The following EEFSEC variants were observed in gnomAD, a reference collection of about 807,000 sequenced individuals.
EEFSEC encodes selenocysteine-specific elongation factor.
In EEFSEC, 43 loss-of-function variants were observed where a neutral mutation model predicts 42.1. That is an observed-to-expected ratio of 1.02 (90% CI 0.80 to 1.32). The LOEUF is 1.32. Ranked by LOEUF, EEFSEC falls within the 40% of genes most tolerant of loss-of-function variation. The pLI is 0.00. For synonymous variants in EEFSEC, 354 were observed against 339.1 expected (o/e 1.04, Z -0.48); for missense variants, 745 against 803.6 (o/e 0.93, Z 0.88).
rs866610044 is a variant in EEFSEC at position 128,317,530 on chromosome 3, A to G, written c.787-23703A>G. ...GTTTGCTCCGATTTGCTCTGTGCCC[A>G]GAGTCTTTTTCCCCATCAGTCCTCT... On this transcript the variant is annotated intron_variant, in intron 4 of 6. Coordinates refer to ENST00000254730, the MANE Select transcript of EEFSEC (RefSeq NM_021937.5). The surrounding 1 kb of genome is among the most constrained non-coding windows in gnomAD (Gnocchi z 4.1). Among the ~76,000 whole-genome samples the G allele has an allele frequency of 1.5e-4, 23 of 152,318 alleles. 1 individual carries two copies. In the South Asian group the frequency reaches 4.8e-3, roughly 32 times the overall value.
At chr3:128,291,815 C>A (rs1408107808) in intron 4 of EEFSEC, among the ~76,000 whole-genome samples, 1 of 152,138 alleles carries the variant, frequency 6.6e-6, no homozygotes, top group Non-Finnish European at 1.5e-5. Context: ...AAGTACAGTA[C>A]AATGTTCAAC....
At chr3:128,282,241 G>A (rs1053317774) in intron 4 of EEFSEC, among the ~76,000 whole-genome samples, 2 of 152,234 alleles carry the variant, frequency 1.3e-5, no homozygotes, top group African/African-American at 4.8e-5. Flanking sequence ...GGTGGGAAGT[G>A]GGTGGCTGGT....
At chr3:128,182,212 T>A (rs1172650363) in intron 1 of EEFSEC, among the ~76,000 whole-genome samples, 2 of 152,336 alleles carry the variant, frequency 1.3e-5, no homozygotes, top group East Asian at 3.9e-4. Context: ...TTAAATTATC[T>A]TGTGTAATGC....
At chr3:128,210,887 C>T (rs770234018) in intron 1 of EEFSEC, among the ~76,000 whole-genome samples, 4 of 152,218 alleles carry the variant, frequency 2.6e-5, no homozygotes, top group Non-Finnish European at 5.9e-5. Context: ...TTTTTTCCTG[C>T]CCATTTCTGT....
At chr3:128,293,680 A>AAAAAAC (rs2066672033) in intron 4 of EEFSEC, among the ~76,000 whole-genome samples, 1 of 95,130 alleles carries the variant, frequency 1.1e-5, no homozygotes, top group African/African-American at 4.0e-5. Flanking sequence ...AAAAAAAAAA[A>AAAAAAC]AAAAAAACTT....
rs116614318 is a variant in EEFSEC, at chr3:128,332,400, T to C, written c.787-8833T>C. 3.7e-3 allele frequency among the ~76,000 whole-genome samples: 570 copies of C among 152,352 alleles called. 6 individuals carry two copies. Among genetic ancestry groups the C allele is most frequent in the African/African-American group, 0.013 (558 of 41,584 alleles). On this transcript the variant is annotated intron_variant, in intron 4 of 6. Coordinates refer to ENST00000254730, the MANE Select transcript of EEFSEC (RefSeq NM_021937.5). The stretch of plus-strand genomic sequence containing the variant: ...ATTTTGGAATATTAGCATGATATAC[T>C]TAACAGGTTAAGCATCTGAAATCCA...
At chr3:128,233,343 G>A (rs915119102) in intron 1 of EEFSEC, among the ~76,000 whole-genome samples, 2 of 152,208 alleles carry the variant, frequency 1.3e-5, no homozygotes, top group Non-Finnish European at 2.9e-5. Context: ...AAAATGATAT[G>A]ATTTAAACAT....
At chr3:128,297,974 G>C (rs945727079) in intron 4 of EEFSEC, among the ~76,000 whole-genome samples, 3 of 152,198 alleles carry the variant, frequency 2.0e-5, no homozygotes, top group African/African-American at 7.2e-5. Flanking sequence ...TAGGCCCTGG[G>C]ACAGCCAAGG....
chr3:128,194,807 A>C (rs1225604805), intron 1 of EEFSEC, among the ~76,000 whole-genome samples: 1 of 152,268 alleles, frequency 6.6e-6, no homozygotes, highest in Non-Finnish European at 1.5e-5. Flanking sequence ...TGTGCAAGAA[A>C]AAGACTAGAA....
At chr3:128,393,939 C>T (rs2067947924) in intron 6 of EEFSEC, among the ~76,000 whole-genome samples, 1 of 152,104 alleles carries the variant, frequency 6.6e-6, no homozygotes, top group South Asian at 2.1e-4. Flanking sequence ...GGACACACGG[C>T]CAGTGGGTGA....
intron 1 of EEFSEC, among the ~76,000 whole-genome samples, chr3:128,246,088 C>T (rs2066123894): frequency 6.6e-6 from 1 of 152,204 alleles, no homozygotes; most frequent in African/African-American, 2.4e-5. Flanking sequence ...AAAAAGGAAA[C>T]AGTCACTTCA....
chr3:128,183,283 T>C (rs2065430570), intron 1 of EEFSEC, among the ~76,000 whole-genome samples: 1 of 152,206 alleles, frequency 6.6e-6, no homozygotes, highest in African/African-American at 2.4e-5. Flanking sequence ...CTCTAATGAG[T>C]TAGACACTGT....
chr3:128,404,922 TC>T (rs1313691220), intron 6 of EEFSEC, among the ~76,000 whole-genome samples: 1 of 152,042 alleles, frequency 6.6e-6, no homozygotes, highest in Admixed American at 6.5e-5. Flanking sequence ...TAATCTCACT[TC>T]CGCCTGCCAG....
chr3:128,255,055 G>A (rs184758481), intron 2 of EEFSEC, among the ~76,000 whole-genome samples: 1 of 152,302 alleles, frequency 6.6e-6, no homozygotes, highest in African/African-American at 2.4e-5. Context: ...TCAGAGGCCA[G>A]GAATTAGAGG....
intron 3 of EEFSEC, among the ~76,000 whole-genome samples, chr3:128,264,387 T>C (rs549874287): frequency 3.3e-5 from 5 of 152,284 alleles, no homozygotes; most frequent in African/African-American, 7.2e-5. Context: ...CAGGTGCCCT[T>C]TCCTTCAGAC....
intron 2 of EEFSEC, among the ~76,000 whole-genome samples, chr3:128,261,543 CT>C (rs1169410117): frequency 3.4e-5 from 4 of 117,920 alleles, no homozygotes; most frequent in African/African-American, 8.8e-5. Flanking sequence ...TTTATTTTCT[CT>C]TTCCCTCTTT....
intron 1 of EEFSEC, among the ~76,000 whole-genome samples, chr3:128,210,336 C>T: frequency 6.6e-6 from 1 of 152,152 alleles, no homozygotes; most frequent in East Asian, 1.9e-4. Flanking sequence ...GGCACGCTGA[C>T]TTGAGGCTTC....
chr3:128,207,777 G>C (rs2107827339), intron 1 of EEFSEC, among the ~76,000 whole-genome samples: 1 of 152,276 alleles, frequency 6.6e-6, no homozygotes, highest in Non-Finnish European at 1.5e-5. Flanking sequence ...TGGGTAGACA[G>C]CTCAGTAAAA....
intron 3 of EEFSEC, among the ~76,000 whole-genome samples, chr3:128,263,094 G>A (rs1461499153): frequency 6.6e-6 from 1 of 152,222 alleles, no homozygotes; most frequent in Non-Finnish European, 1.5e-5. Context: ...GCTCGGTACA[G>A]TGCCATGTCA....
Sources: gnomAD v4.1 joint callset for allele counts (sites outside exome capture counted in the v4.1 genomes callset) on GRCh38, gnomAD v4.1.1 for gene constraint, Gnocchi (gnomAD v3.1) non-coding constraint, MANE v1.5 for transcripts, NCBI Gene and HGNC (gene_info 2026-07-23, HGNC 2026-07-21) for gene names.